The following AKAP8L variants were observed in gnomAD, a reference collection of about 807,000 sequenced individuals.
AKAP8L encodes A-kinase anchoring protein 8 like, also known as A-kinase anchor protein 8-like.
Under a neutral mutation model 77.5 loss-of-function variants are expected in AKAP8L, and 34 were observed. The observed-to-expected ratio is 0.44, with a 90% CI of 0.33 to 0.58. The LOEUF (loss-of-function observed/expected upper bound fraction) is 0.58, where lower values mean the gene tolerates loss of function less well. Among genes scored for constraint, AKAP8L ranks in the 20% least tolerant of loss-of-function variants. AKAP8L has a pLI of 0.02. For missense variants in AKAP8L, 806 were observed against 887.6 expected (o/e 0.91, Z 1.17); for synonymous variants, 342 against 340.7 (o/e 1.00, Z -0.04).
intron 12 of AKAP8L, among the ~76,000 whole-genome samples, chr19:15,392,503 A>T (rs564694673): frequency 1.2e-4 from 18 of 147,774 alleles, no homozygotes; most frequent in Middle Eastern, 3.5e-3. Flanking sequence ...TTTCAAGAAT[A>T]AAAAAAAAAA....
rs1019085976 is a variant in AKAP8L, at chr19:15,413,095, T to G, written c.14-2501A>C. Reference sequence around the variant, plus strand: ...AGCAGCCAACAGCAAACAAGTGCTTTCCCTGCAGGGTGCTAAGAACATTTA... The same window carrying G: ...AGCAGCCAACAGCAAACAAGTGCTTGCCCTGCAGGGTGCTAAGAACATTTA... On this transcript the variant is annotated intron_variant, in intron 1 of 13. Coordinates refer to ENST00000397410, the MANE Select transcript of AKAP8L (RefSeq NM_014371.4). Among the ~76,000 whole-genome samples, 3 of 152,174 alleles carry G rather than the reference T, an allele frequency of 2.0e-5. No homozygotes were observed. In the East Asian group the frequency reaches 5.8e-4, roughly 29 times the overall value.
chr19:15,414,387 C>A (rs1180089808), intron 1 of AKAP8L, among the ~76,000 whole-genome samples: 1 of 151,262 alleles, frequency 6.6e-6, no homozygotes, highest in African/African-American at 2.4e-5. Context: ...AAAGTGTTCT[C>A]TTGGTACAAT....
rs1228235346 is a variant in AKAP8L, at chr19:15,382,153, A to G, written c.1537-1541T>C. On this transcript the variant is annotated intron_variant, in intron 12 of 13. Transcript: ENST00000397410. ...TAAGCACACTGGAACACCCGCCCACAGTTTATAATTTTCTAACTATTTTCT... is the reference window on the plus strand; with the variant it reads ...TAAGCACACTGGAACACCCGCCCACGGTTTATAATTTTCTAACTATTTTCT... 2.0e-5 allele frequency: 3 copies of G among 151,920 alleles called. No homozygotes were observed. In the East Asian group the frequency reaches 5.8e-4, roughly 29 times the overall value. 9.4% of individuals were successfully genotyped at this position (151,920 alleles called of 1,614,324 possible). A position where few individuals can be genotyped will look rare whatever the true frequency, so the allele number is the denominator to read the frequency against.
At chr19:15,382,245 G>A (rs865885206) in intron 12 of AKAP8L, among the ~76,000 whole-genome samples, 10 of 142,634 alleles carry the variant, frequency 7.0e-5, no homozygotes, top group Middle Eastern at 7.2e-3. Context: ...TCGCTCTGTC[G>A]CCCAGGCTGG....
At chr19:15,404,224 G>T in intron 2 of AKAP8L, 182 bp from the exon 3 acceptor site, 2 of 600,946 alleles carry the variant, frequency 3.3e-6, no homozygotes, top group East Asian at 2.8e-5. Flanking sequence ...CCTGGTGCCT[G>T]GCTGCCTGTG....
intron 1 of AKAP8L, among the ~76,000 whole-genome samples, chr19:15,412,515 A>T (rs991433447): frequency 6.6e-6 from 1 of 152,226 alleles, no homozygotes; most frequent in African/African-American, 2.4e-5. Context: ...AAACTACATT[A>T]AAAAAAGAAA....
chr19:15,382,598 T>C (rs1967442318), intron 12 of AKAP8L, among the ~76,000 whole-genome samples: 1 of 152,200 alleles, frequency 6.6e-6, no homozygotes. Flanking sequence ...TACTTACCAG[T>C]TGAGCATCCC....
chr19:15,402,634 C>T (rs1443165784), intron 4 of AKAP8L, among the ~76,000 whole-genome samples: 1 of 152,252 alleles, frequency 6.6e-6, no homozygotes, highest in Admixed American at 6.5e-5. Context: ...CCTGCCACCA[C>T]AGCCCTGGGG....
Position 15,416,622 on chromosome 19 carries a change from G to A in AKAP8L, c.13+2289C>T, listed in dbSNP as rs554453170. Among the ~76,000 whole-genome samples, 612 of 152,302 alleles carry A rather than the reference G, an allele frequency of 4.0e-3. 10 individuals are homozygous for A. The highest frequency in any genetic ancestry group is 0.014 in the African/African-American group (584 of 41,552). On this transcript the variant is annotated intron_variant, in intron 1 of 13. Transcript: ENST00000397410. ...ATATTCCAAGCTAGAACCACCCAGT[G>A]AAATCACCTATCCATTCCAAACATA...
chr19:15,384,943 T>G (rs958723847), intron 12 of AKAP8L, among the ~76,000 whole-genome samples: 6 of 151,976 alleles, frequency 3.9e-5, no homozygotes, highest in Non-Finnish European at 5.9e-5. Flanking sequence ...CGATATCAGC[T>G]CACTGCGAGC....
rs753497944 is a variant in AKAP8L at position 15,401,342 on chromosome 19, C to T, written c.624G>A (p.Arg208=). 12 of 1,613,402 alleles carry T rather than the reference C, an allele frequency of 7.4e-6. No homozygotes were observed. The highest frequency in any genetic ancestry group is 3.3e-4 in the Middle Eastern group (2 of 6,062). ...GRMWEDPMGA[R]GQCMSGASRL... ...GAGAGGCACCAGACATGCACTGGCCCCGGGCCCCCATGGGGTCTTCCCACA... is the reference window on the plus strand; with the variant it reads ...GAGAGGCACCAGACATGCACTGGCCTCGGGCCCCCATGGGGTCTTCCCACA... Residue 208 remains arginine (R), a synonymous_variant, in exon 5 of 14, where the codon CGG becomes CGA. Coordinates refer to ENST00000397410, the MANE Select transcript of AKAP8L (RefSeq NM_014371.4). This position sits in a 1 kb window ranked among gnomAD's most constrained non-coding sequence, Gnocchi z 6.2.
rs1361710224 is a variant in AKAP8L, at chr19:15,403,548, G to C, written c.289C>G (p.Gln97Glu). 3 of 1,613,846 alleles carry C rather than the reference G, an allele frequency of 1.9e-6. No homozygotes were observed. Among genetic ancestry groups the C allele is most frequent in the African/African-American group, 2.7e-5 (2 of 74,902 alleles). ...SADSVLSRINQRLDMVPHLET... is the reference protein window; with the variant it reads ...SADSVLSRINERLDMVPHLET... The stretch of plus-strand genomic sequence containing the variant: ...AAATGCGGCACCATATCTAAGCGCT[G>C]GTTAATTCTGGATAAAACGGAATCG... The change falls in exon 4 of 14, where the codon CAG becomes GAG. Residue 97 changes from glutamine to glutamate, a missense_variant. By Grantham distance (29) the Gln-to-Glu change is conservative (BLOSUM62 2). This residue lies in a region of AKAP8L where 580 missense variants were observed against 694.1 expected (regional missense o/e 0.84). Coordinates refer to ENST00000397410, the MANE Select transcript of AKAP8L (RefSeq NM_014371.4). The surrounding 1 kb of genome is among the most constrained non-coding windows in gnomAD (Gnocchi z 4.3).
Position 15,401,723 on chromosome 19 carries a change from C to T in AKAP8L, c.363-120G>A, listed in dbSNP as rs1335440191. ...CCCACCCTGCCCTGGTTGGGAGGCT[C>T]AATGTTCAGAAATGCCGATTAAAGA... On this transcript the variant is annotated intron_variant, in intron 4 of 13. Transcript: ENST00000397410. The surrounding 1 kb of genome is among the most constrained non-coding windows in gnomAD (Gnocchi z 6.2). 3 of 781,598 alleles carry T rather than the reference C, an allele frequency of 3.8e-6. No individual in the cohort carries two copies. In the African/African-American group the frequency reaches 5.2e-5, roughly 14 times the overall value. The allele number at this position is 781,598 out of a possible 1,614,324, so 48.4% of individuals were successfully genotyped here.
intron 12 of AKAP8L, 195 bp from the exon 13 acceptor site, chr19:15,380,807 C>G (rs1967395572): frequency 1.7e-6 from 1 of 598,608 alleles, no homozygotes; most frequent in African/African-American, 1.9e-5. Flanking sequence ...TCCTTCCACA[C>G]CACACTTACT....
At position 15,403,330 on chromosome 19, in the gene AKAP8L, G is replaced by C; in HGVS notation, c.362+145C>G. 1.4e-6 allele frequency: 1 copy of C among 735,410 alleles called. No individual in the cohort carries two copies. Among genetic ancestry groups the C allele is most frequent in the African/African-American group, 1.7e-5 (1 of 57,404 alleles). 45.6% of individuals were successfully genotyped at this position (735,410 alleles called of 1,614,324 possible). The stretch of plus-strand genomic sequence containing the variant: ...GAGACACAAGTCAGAGACGGGAAGT[G>C]CAACGGACCCTGCTGGGAGCCACAG... On this transcript the variant is annotated intron_variant, in intron 4 of 13. Coordinates refer to ENST00000397410, the MANE Select transcript of AKAP8L (RefSeq NM_014371.4). The surrounding 1 kb of genome is among the most constrained non-coding windows in gnomAD (Gnocchi z 4.3).
At position 15,380,052 on chromosome 19, in the gene AKAP8L, G is replaced by T; in HGVS notation, c.*70C>A. On this transcript the variant is annotated 3_prime_UTR_variant, in exon 14 of 14. Transcript: ENST00000397410. ...ACAGTAACAGAGAAACCCGGAGGTG[G>T]GATGGGAAAACTTTATTAGGTTTGG... The T allele has an allele frequency of 7.1e-7, 1 of 1,410,150 alleles. No individual in the cohort carries two copies. 87.4% of individuals were successfully genotyped at this position (1,410,150 alleles called of 1,614,324 possible). A position where few individuals can be genotyped will look rare whatever the true frequency, so the allele number is the denominator to read the frequency against.
intron 12 of AKAP8L, among the ~76,000 whole-genome samples, chr19:15,394,611 A>G (rs1253446828): frequency 6.6e-6 from 1 of 151,880 alleles, no homozygotes; most frequent in Non-Finnish European, 1.5e-5. Flanking sequence ...TGGTGCAATC[A>G]TAACTTACTG....
At chr19:15,381,205 A>G (rs1967407789) in intron 12 of AKAP8L, 1 of 153,156 alleles carries the variant, frequency 6.5e-6, no homozygotes, top group African/African-American at 2.4e-5. Flanking sequence ...CCCTTCCCAG[A>G]ACGTATCCTA....
intron 12 of AKAP8L, among the ~76,000 whole-genome samples, chr19:15,393,020 T>C: frequency 6.6e-6 from 1 of 152,088 alleles, no homozygotes; most frequent in East Asian, 1.9e-4. Flanking sequence ...ATTCATGGAT[T>C]AGAAGACTTA....
Sources: allele counts gnomAD v4.1 joint callset (sites outside exome capture counted in the v4.1 genomes callset), GRCh38; gene constraint gnomAD v4.1.1; regional missense constraint gnomAD v4.1.1; non-coding constraint Gnocchi (gnomAD v3.1); transcripts MANE v1.5; gene names NCBI Gene and HGNC (gene_info 2026-07-23, HGNC 2026-07-21).